Variants in CSPP1 observed in about 807,000 individuals in gnomAD.
CSPP1 encodes centrosome and spindle pole associated protein 1, also known as centrosome and spindle pole-associated protein 1.
A neutral mutation model predicts 164.4 loss-of-function variants in CSPP1; 126 were observed. That is an observed-to-expected ratio of 0.77 (90% CI 0.66 to 0.89). The LOEUF (loss-of-function observed/expected upper bound fraction) is 0.89. Ranked by LOEUF, CSPP1 falls within the 40% of genes least tolerant of loss-of-function variation. CSPP1 has a pLI of 0.00. For synonymous variants in CSPP1, 472 were observed against 476.7 expected, an observed-to-expected ratio of 0.99 and a Z score of 0.13; for missense variants, 1,395 against 1,449.8, an observed-to-expected ratio of 0.96 and a Z score of 0.61.
chr8:67,074,179 C>A, intron 1 of CSPP1, 64 bp from the exon 2 acceptor site: 2 of 865,588 alleles, frequency 2.3e-6, no homozygotes, highest in Non-Finnish European at 3.7e-6. Flanking sequence ...ACTAAGCCTA[C>A]ATGTTGATAA....
At chr8:67,073,091 C>T (rs1167905759) in intron 1 of CSPP1, among the ~76,000 whole-genome samples, 3 of 152,002 alleles carry the variant, frequency 2.0e-5, no homozygotes, top group Admixed American at 6.6e-5. Flanking sequence ...GAAAATATCA[C>T]GCCCTGGCAA....
chr8:67,148,000 C>G (rs931768492), intron 17 of CSPP1, among the ~76,000 whole-genome samples: 1 of 151,972 alleles, frequency 6.6e-6, no homozygotes, highest in Non-Finnish European at 1.5e-5. Flanking sequence ...CTCACTGCAA[C>G]CTGCACCCCC....
chr8:67,172,201 G>C lies in CSPP1; in HGVS notation c.2829-215G>C, dbSNP rs940520700. ...TGTAGCGAGGGGGTCTTGCTTTATA[G>C]GCCAGGCTGGTATTGAACTCCTGAT... is the stretch of plus-strand genomic sequence containing the variant. On this transcript the variant is annotated intron_variant, in intron 24 of 30. Transcript: ENST00000678616. 2.1e-5 allele frequency among the ~76,000 whole-genome samples: 3 copies of C among 141,190 alleles called. No individual in the cohort carries two copies. In the East Asian group the frequency reaches 6.2e-4, roughly 29 times the overall value. The allele number at this position is 141,190 out of a possible 152,430, so 92.6% of individuals were successfully genotyped here. A position where few individuals can be genotyped will look rare whatever the true frequency, so the allele number is the denominator to read the frequency against.
At chr8:67,078,006 C>T (rs1440173308) in intron 3 of CSPP1, among the ~76,000 whole-genome samples, 2 of 152,140 alleles carry the variant, frequency 1.3e-5, no homozygotes, top group Non-Finnish European at 2.9e-5. Context: ...CTAAGGCTCT[C>T]AATTTTTTTT....
intron 17 of CSPP1, among the ~76,000 whole-genome samples, chr8:67,144,547 C>T (rs1824114474): frequency 6.6e-6 from 1 of 152,150 alleles, no homozygotes; most frequent in Non-Finnish European, 1.5e-5. Flanking sequence ...CGAAGCAATT[C>T]TGCCACCTCA....
intron 24 of CSPP1, among the ~76,000 whole-genome samples, chr8:67,165,201 G>A (rs1006046037): frequency 5.9e-5 from 9 of 151,984 alleles, no homozygotes; most frequent in African/African-American, 2.2e-4. Context: ...GGAGAATGGC[G>A]TGAACCCAGG....
intron 30 of CSPP1, among the ~76,000 whole-genome samples, chr8:67,195,122 T>TG (rs1837625894): frequency 6.6e-6 from 1 of 152,224 alleles, no homozygotes; most frequent in Non-Finnish European, 1.5e-5. Context: ...AGAATCCCTC[T>TG]GGTTGCTAGT....
chr8:67,191,066 C>A (rs1404178569), intron 29 of CSPP1, among the ~76,000 whole-genome samples: 1 of 152,208 alleles, frequency 6.6e-6, no homozygotes, highest in East Asian at 1.9e-4. Context: ...GAACTGATGT[C>A]ATTTATTGAA....
chr8:67,155,550 C>CT (rs1826503554), intron 19 of CSPP1, among the ~76,000 whole-genome samples: 1 of 152,176 alleles, frequency 6.6e-6, no homozygotes, highest in Non-Finnish European at 1.5e-5. Flanking sequence ...AATGCCAGCA[C>CT]TTTGGGAGGC....
At chr8:67,129,487 A>C (rs1412096996) in intron 15 of CSPP1, among the ~76,000 whole-genome samples, 1 of 152,210 alleles carries the variant, frequency 6.6e-6, no homozygotes, top group African/African-American at 2.4e-5. Flanking sequence ...AAAGAATATG[A>C]TACTGCAATT....
chr8:67,195,325 T>G (rs1291680433), intron 30 of CSPP1, 57 bp from the exon 31 acceptor site: 2 of 1,069,296 alleles, frequency 1.9e-6, no homozygotes, highest in Non-Finnish European at 1.5e-6. Context: ...GACCTGCGCT[T>G]ATGTCTCCTG....
At chr8:67,167,130 A>G (rs558652847) in intron 24 of CSPP1, among the ~76,000 whole-genome samples, 1 of 152,360 alleles carries the variant, frequency 6.6e-6, no homozygotes, top group African/African-American at 2.4e-5. Context: ...TTCTTTCTAC[A>G]CAGACACAGC....
intron 15 of CSPP1, among the ~76,000 whole-genome samples, chr8:67,130,876 TACTCGGGAGGCTGAGG>T (rs937131987): frequency 2.6e-5 from 4 of 151,884 alleles, no homozygotes; most frequent in African/African-American, 7.3e-5. Flanking sequence ...TAGTACCAGT[TACTCGGGAGGCTGAGG>T]CAGGAGAATC....
intron 28 of CSPP1, among the ~76,000 whole-genome samples, chr8:67,185,745 ATGATGATGAGTT>A (rs1834392456): frequency 2.0e-5 from 3 of 152,170 alleles, no homozygotes; most frequent in Admixed American, 2.0e-4. Flanking sequence ...GATGAAGATG[ATGATGATGAGTT>A]TGATGATGAG....
chr8:67,154,283 T>C, intron 19 of CSPP1, 147 bp downstream of exon 19: 1 of 512,810 alleles, frequency 2.0e-6, no homozygotes, highest in South Asian at 3.3e-5. Flanking sequence ...ATATCAGTAG[T>C]ACAAAAGTTA....
At chr8:67,066,953 G>C (rs1446670488) in intron 1 of CSPP1, among the ~76,000 whole-genome samples, 2 of 151,978 alleles carry the variant, frequency 1.3e-5, no homozygotes, top group African/African-American at 4.8e-5. Context: ...ATGGGGTTTT[G>C]TCATGTTGGC....
chr8:67,116,728 T>C (rs1211678455), intron 13 of CSPP1, among the ~76,000 whole-genome samples: 2 of 152,178 alleles, frequency 1.3e-5, no homozygotes, highest in Non-Finnish European at 2.9e-5. Context: ...ACACTGATAT[T>C]TTCTGGGCTA....
At chr8:67,098,345 G>A (rs1586061125) in intron 7 of CSPP1, among the ~76,000 whole-genome samples, 1 of 136,330 alleles carries the variant, frequency 7.3e-6, no homozygotes, top group Non-Finnish European at 1.6e-5. Context: ...TTCTAGTTTT[G>A]GTTTATAATA....
chr8:67,153,262 C>A (rs1211514574), intron 18 of CSPP1, among the ~76,000 whole-genome samples: 3 of 151,984 alleles, frequency 2.0e-5, no homozygotes, highest in African/African-American at 7.2e-5. Flanking sequence ...GTCAGAAACT[C>A]AAAAATAATA....
Sources: gnomAD v4.1 joint callset for allele counts (sites outside exome capture counted in the v4.1 genomes callset) on GRCh38, gnomAD v4.1.1 for gene constraint, MANE v1.5 for transcripts, NCBI Gene and HGNC (gene_info 2026-07-23, HGNC 2026-07-21) for gene names.